The following RNF6 variants were observed in gnomAD, a reference collection of about 807,000 sequenced individuals.
RNF6 encodes E3 ubiquitin-protein ligase RNF6.
Under a neutral mutation model 50.1 loss-of-function variants are expected in RNF6, and 21 were observed. The ratio of observed to expected loss-of-function variants is 0.42; its 90% CI spans 0.30 to 0.60. The LOEUF (loss-of-function observed/expected upper bound fraction) is 0.60, where lower values mean the gene tolerates loss of function less well. RNF6 is among the 20% of genes least tolerant of loss of function. The probability of loss-of-function intolerance (pLI) is 0.20; values close to 1 mark genes in which losing one functional copy is unlikely to be tolerated. For synonymous variants in RNF6, 255 were observed against 291.8 expected (o/e 0.87, Z 1.29); for missense variants, 698 against 838.2 (o/e 0.83, Z 2.07).
At chr13:26,181,338 T>C (rs1474118628) in intron 5 of RNF6, among the ~76,000 whole-genome samples, 2 of 152,172 alleles carry the variant, frequency 1.3e-5, no homozygotes, top group Non-Finnish European at 2.9e-5. Context: ...TGGGATGCCA[T>C]AGGCAGGCAG....
intron 5 of RNF6, among the ~76,000 whole-genome samples, chr13:26,137,635 A>G (rs922709556): frequency 2.9e-5 from 4 of 139,324 alleles, no homozygotes; most frequent in African/African-American, 1.1e-4. Context: ...GAGAATATCA[A>G]TAAAGAGATA....
downstream of RNF6, among the ~76,000 whole-genome samples, chr13:26,210,697 T>C (rs1291983755): frequency 2.6e-5 from 4 of 152,240 alleles, no homozygotes; most frequent in African/African-American, 9.6e-5. Context: ...GCAGGAGCTT[T>C]GGAGGCAAAT....
chr13:26,142,447 CA>C (rs1474128925), intron 5 of RNF6: 3 of 152,236 alleles, frequency 2.0e-5, no homozygotes, highest in Admixed American at 6.5e-5. Context: ...GCACTATTCA[CA>C]ATAGCAAAAA....
chr13:26,188,623 C>CTTTTTTTTTTTT lies in RNF6; in HGVS notation n.768+26839_768+26850dup, dbSNP rs1163881143. Among the ~76,000 whole-genome samples, 33 of 43,272 alleles carry CTTTTTTTTTTTT rather than the reference C, an allele frequency of 7.6e-4. 7 individuals are homozygous for CTTTTTTTTTTTT. The highest frequency in any genetic ancestry group is 3.4e-3 in the African/African-American group (31 of 9,168). 28.4% of individuals were successfully genotyped at this position (43,272 alleles called of 152,430 possible). On this transcript the variant is annotated intron_variant and non_coding_transcript_variant, in intron 5 of 5. Transcript: ENST00000468480. Reference sequence around the variant, plus strand: ...GCTTTAGTTGGACAAGTCAAAAGAGCTTTTTTTTTTTTTTTTTTTTTTTTT... The same window carrying CTTTTTTTTTTTT: ...GCTTTAGTTGGACAAGTCAAAAGAGCTTTTTTTTTTTTTTTTTTTTTTTTTTTTTTTTTTTTT...
chr13:26,220,808 G>T (rs9578978), intron 2 of RNF6, among the ~76,000 whole-genome samples: 1 of 152,200 alleles, frequency 6.6e-6, no homozygotes, highest in African/African-American at 2.4e-5. Context: ...AAGCAACTGT[G>T]CAACTCTGCC....
At chr13:26,195,280 T>C (rs1593180460) in intron 5 of RNF6, among the ~76,000 whole-genome samples, 1 of 151,592 alleles carries the variant, frequency 6.6e-6, no homozygotes, top group East Asian at 1.9e-4. Flanking sequence ...GGGCGGCTTA[T>C]TAGTAGACTG....
At chr13:26,206,703 G>A (rs556986439) in intron 5 of RNF6, among the ~76,000 whole-genome samples, 1 of 152,186 alleles carries the variant, frequency 6.6e-6, no homozygotes, top group African/African-American at 2.4e-5. Flanking sequence ...CTATTTGTAA[G>A]CCAGGCTGTA....
chr13:26,194,933 C>T (rs1868596874), intron 5 of RNF6, among the ~76,000 whole-genome samples: 1 of 152,100 alleles, frequency 6.6e-6, no homozygotes, highest in Non-Finnish European at 1.5e-5. Context: ...TTTCCCAGCC[C>T]GTGGACTCAA....
intron 5 of RNF6, among the ~76,000 whole-genome samples, chr13:26,188,886 C>G (rs1873687016): frequency 6.6e-6 from 1 of 151,800 alleles, no homozygotes; most frequent in South Asian, 2.1e-4. Context: ...CCTTGGCCTC[C>G]CAAAGTGATG....
intron 5 of RNF6, among the ~76,000 whole-genome samples, chr13:26,182,603 A>C (rs1426002861): frequency 6.6e-6 from 1 of 152,090 alleles, no homozygotes; most frequent in Non-Finnish European, 1.5e-5. Flanking sequence ...GCTTCAGCCC[A>C]GGAGTTCAAG....
chr13:26,174,279 C>T (rs1230319187), intron 5 of RNF6, among the ~76,000 whole-genome samples: 1 of 152,128 alleles, frequency 6.6e-6, no homozygotes, highest in Non-Finnish European at 1.5e-5. Flanking sequence ...ACTGGCTAAG[C>T]AAGCCAGGAC....
rs142368423 is a variant in RNF6 at position 26,138,379 on chromosome 13, G to A, written n.769-5928C>T. Among the ~76,000 whole-genome samples the A allele has an allele frequency of 3.0e-3, 458 of 152,138 alleles. 1 individual carries two copies. The highest frequency in any genetic ancestry group is 4.2e-3 in the Non-Finnish European group (288 of 67,978). On this transcript the variant is annotated intron_variant and non_coding_transcript_variant, in intron 5 of 5. Coordinates refer to the RNF6 transcript ENST00000468480. ...GGGGGTTATTCAGCCTGAAATGAAA[G>A]GTTACTAAACTGTATATGAATCCAC...
intron 5 of RNF6, among the ~76,000 whole-genome samples, chr13:26,184,144 C>T (rs1221354965): frequency 6.7e-6 from 1 of 150,248 alleles, no homozygotes; most frequent in Non-Finnish European, 1.5e-5. Flanking sequence ...TCTCCTGCCT[C>T]AGCCTCCCGA....
In RNF6 at chr13:26,215,328, C is replaced by T. The variant is rs1869757997; in HGVS notation, c.554G>A (p.Arg185Lys). 6.2e-7 allele frequency: 1 copy of T among 1,614,070 alleles called. No individual in the cohort carries two copies. The highest frequency in any genetic ancestry group is 8.5e-7 in the Non-Finnish European group (1 of 1,180,042). ...SDSNRDHTAN[R>K]QQRSTSPVAR... ...CACAGGACTAGTTGACCTTTGTTGC[C>T]TATTTGCAGTATGATCTCTGTTACT... Residue 185 changes from arginine (R) to lysine (K), a missense_variant, in exon 5 of 5, where the codon AGG becomes AAG. Coordinates refer to ENST00000381588, the MANE Select transcript of RNF6 (RefSeq NM_005977.4).
chr13:26,157,880 AGAGATGGAT>A (rs1872006657), intron 5 of RNF6, among the ~76,000 whole-genome samples: 1 of 147,752 alleles, frequency 6.8e-6, no homozygotes, highest in South Asian at 2.2e-4. Context: ...AAAGAGAAAA[AGAGATGGAT>A]GGATGGATGG....
intron 5 of RNF6, among the ~76,000 whole-genome samples, chr13:26,142,630 C>G (rs1334636206): frequency 6.6e-6 from 1 of 151,172 alleles, no homozygotes; most frequent in African/African-American, 2.4e-5. Flanking sequence ...AACAGAAAAC[C>G]TAATATCACA....
intron 5 of RNF6, among the ~76,000 whole-genome samples, chr13:26,207,304 A>C (rs1289761495): frequency 6.6e-6 from 1 of 152,198 alleles, no homozygotes; most frequent in Non-Finnish European, 1.5e-5. Flanking sequence ...GAGATTGGAA[A>C]AGATAGGCAG....
At chr13:26,210,726 C>T (rs548873607), downstream of RNF6, among the ~76,000 whole-genome samples, 3 of 152,286 alleles carry the variant, frequency 2.0e-5, no homozygotes, top group South Asian at 6.2e-4. Flanking sequence ...GATTGACTCC[C>T]TAAACTCTGC....
chr13:26,218,491 T>C lies in RNF6; in HGVS notation c.289+20A>G, dbSNP rs1413613421. On this transcript the variant is annotated intron_variant, in intron 4 of 4. Transcript: ENST00000381588. ...GTGCTCCAATCAAGCCTGTTCCTTA[T>C]GGAAAGGACTCCATAGTACCTCTGT... is the stretch of plus-strand genomic sequence containing the variant. 1.7e-5 allele frequency: 27 copies of C among 1,585,592 alleles called. No individual in the cohort carries two copies. Among genetic ancestry groups the C allele is most frequent in the Non-Finnish European group, 2.1e-5 (24 of 1,154,200 alleles).
Sources: gnomAD v4.1 joint callset for allele counts (sites outside exome capture counted in the v4.1 genomes callset) on GRCh38, gnomAD v4.1.1 for gene constraint, MANE v1.5 for transcripts, NCBI Gene and HGNC (gene_info 2026-07-23, HGNC 2026-07-21) for gene names.